Variants in ASTN1 observed in about 807,000 individuals in gnomAD.
ASTN1 encodes astrotactin-1.
Under a neutral mutation model 140.7 loss-of-function variants are expected in ASTN1, and 41 were observed. That is an observed-to-expected ratio of 0.29 (90% CI 0.23 to 0.38). ASTN1 has a LOEUF of 0.38. Among genes scored for constraint, ASTN1 ranks in the 10% least tolerant of loss-of-function variants. The pLI is 1.00. For synonymous variants in ASTN1, 640 were observed against 652.2 expected, an observed-to-expected ratio of 0.98 and a Z score of 0.29; for missense variants, 1,479 against 1,678.8, an observed-to-expected ratio of 0.88 and a Z score of 2.08.
chr1:177,023,963 T>C (rs1675964257), intron 6 of ASTN1, among the ~76,000 whole-genome samples: 1 of 152,230 alleles, frequency 6.6e-6, no homozygotes, highest in South Asian at 2.1e-4. Context: ...CTATGAGAAT[T>C]GCAGGCCCTC....
chr1:176,878,411 C>T (rs1049645328), intron 20 of ASTN1, among the ~76,000 whole-genome samples: 1 of 151,914 alleles, frequency 6.6e-6, no homozygotes, highest in Non-Finnish European at 1.5e-5. Flanking sequence ...ACCCTTGTCT[C>T]CTTGCCATTC....
At chr1:176,956,560 A>C (rs1328451315) in intron 11 of ASTN1, among the ~76,000 whole-genome samples, 1 of 152,170 alleles carries the variant, frequency 6.6e-6, no homozygotes, top group Non-Finnish European at 1.5e-5. Flanking sequence ...TCCTCCCCAG[A>C]GCTGGAAGCT....
At chr1:177,001,325 C>A (rs115253202) in intron 8 of ASTN1, among the ~76,000 whole-genome samples, 7 of 152,302 alleles carry the variant, frequency 4.6e-5, no homozygotes, top group African/African-American at 1.7e-4. Flanking sequence ...AGGTTGACAT[C>A]ATTTGGTGAA....
chr1:176,880,476 C>A (rs34468419), intron 20 of ASTN1, among the ~76,000 whole-genome samples: 8,165 of 152,188 alleles, frequency 0.054, 282 homozygotes, highest in African/African-American at 0.096. Flanking sequence ...GGTTGAAAGG[C>A]CTGTGAGTCA....
chr1:177,000,013 A>G (rs1486952229), intron 8 of ASTN1, among the ~76,000 whole-genome samples: 1 of 152,230 alleles, frequency 6.6e-6, no homozygotes, highest in Non-Finnish European at 1.5e-5. Flanking sequence ...TGTTAATTAA[A>G]TTGGCAAATT....
chr1:177,097,473 A>G (rs1471511057), intron 1 of ASTN1, among the ~76,000 whole-genome samples: 3 of 152,196 alleles, frequency 2.0e-5, no homozygotes, highest in Non-Finnish European at 2.9e-5. Flanking sequence ...TTAAGTATCA[A>G]TTTCCTCATC....
rs113357642 is a variant in ASTN1, at chr1:177,117,614, C to A, written c.283+46780G>T. ...ATCATCAGTGATTGCTCACTTCCCACCCACCCCCTAATAAAGTTCAAATTG... is the reference window on the plus strand; with the variant it reads ...ATCATCAGTGATTGCTCACTTCCCAACCACCCCCTAATAAAGTTCAAATTG... On this transcript the variant is annotated intron_variant, in intron 1 of 22. Coordinates refer to ENST00000361833, the MANE Select transcript of ASTN1 (RefSeq NM_004319.3). Among the ~76,000 whole-genome samples the A allele has an allele frequency of 2.7e-3, 406 of 152,284 alleles. 2 individuals are homozygous for A. Among genetic ancestry groups the A allele is most frequent in the African/African-American group, 9.2e-3 (384 of 41,562 alleles).
chr1:177,023,715 C>T, intron 6 of ASTN1, 144 bp from the exon 7 acceptor site: 1 of 963,734 alleles, frequency 1.0e-6, no homozygotes, highest in Non-Finnish European at 1.4e-6. Flanking sequence ...TCATTAGCCC[C>T]AGAGCAAGGG....
Position 176,957,848 on chromosome 1 carries a change from G to C in ASTN1, c.1737-20C>G. The C allele has an allele frequency of 6.2e-7, 1 of 1,611,490 alleles. No individual in the cohort carries two copies. Among genetic ancestry groups the C allele is most frequent in the Non-Finnish European group, 8.5e-7 (1 of 1,178,700 alleles). On this transcript the variant is annotated intron_variant, in intron 10 of 22. Transcript: ENST00000361833. ...TCCTCTCTGTGGGGAGAAAGAGTGG[G>C]AAGCAGGGAGGAGTCAAGGAGATTC...
intron 14 of ASTN1, among the ~76,000 whole-genome samples, chr1:176,942,835 T>TAC (rs1557977984): frequency 0.011 from 232 of 21,334 alleles, 10 homozygotes; most frequent in African/African-American, 0.042. Context: ...TATATATATA[T>TAC]GTATATATAT....
chr1:177,124,707 T>C (rs773102583), intron 1 of ASTN1, among the ~76,000 whole-genome samples: 1 of 152,220 alleles, frequency 6.6e-6, no homozygotes, highest in African/African-American at 2.4e-5. Context: ...CTCTTTATTA[T>C]CAATTAGTAG....
chr1:177,135,121 G>C (rs1267637041), intron 1 of ASTN1, among the ~76,000 whole-genome samples: 1 of 152,078 alleles, frequency 6.6e-6, no homozygotes, highest in Non-Finnish European at 1.5e-5. Flanking sequence ...ATGGGACGTT[G>C]CTTTTGCTTT....
intron 7 of ASTN1, among the ~76,000 whole-genome samples, chr1:177,020,792 G>A (rs1675784447): frequency 6.6e-6 from 1 of 152,204 alleles, no homozygotes; most frequent in Non-Finnish European, 1.5e-5. Flanking sequence ...TAGGAAGGAT[G>A]CCTGAGGAGA....
intron 1 of ASTN1, among the ~76,000 whole-genome samples, chr1:177,101,984 TGGA>T (rs2102132045): frequency 6.6e-6 from 1 of 152,312 alleles, no homozygotes; most frequent in South Asian, 2.1e-4. Flanking sequence ...ACACTAAAAA[TGGA>T]TCTATTAGGA....
At chr1:176,996,252 G>A (rs1674433238) in intron 8 of ASTN1, among the ~76,000 whole-genome samples, 1 of 150,386 alleles carries the variant, frequency 6.6e-6, no homozygotes, top group Non-Finnish European at 1.5e-5. Flanking sequence ...AAGAGACAGA[G>A]TCATATATCC....
chr1:177,013,863 AG>A (rs1193349151), intron 8 of ASTN1, among the ~76,000 whole-genome samples: 1 of 152,152 alleles, frequency 6.6e-6, no homozygotes, highest in African/African-American at 2.4e-5. Context: ...CAACATCTAA[AG>A]GAAACTAAAA....
rs1557918937 is a variant in ASTN1 at position 176,864,245 on chromosome 1, C to G, written c.*39G>C. 1 of 1,603,860 alleles carries G rather than the reference C, an allele frequency of 6.2e-7. No homozygotes were observed. Among genetic ancestry groups the G allele is most frequent in the Non-Finnish European group, 8.5e-7 (1 of 1,174,370 alleles). The stretch of plus-strand genomic sequence containing the variant: ...CAACCCAGATGGATCCCTCCTCTTT[C>G]CTACTTCATTCTGGCAGCAGCTCCC... On this transcript the variant is annotated 3_prime_UTR_variant, in exon 23 of 23. Coordinates refer to ENST00000361833, the MANE Select transcript of ASTN1 (RefSeq NM_004319.3).
chr1:177,082,825 T>G (rs1400483644), intron 1 of ASTN1, among the ~76,000 whole-genome samples: 2 of 152,216 alleles, frequency 1.3e-5, no homozygotes, highest in African/African-American at 2.4e-5. Flanking sequence ...CATTACTTGC[T>G]AGTAGATTTA....
rs537726592 is a variant in ASTN1 at position 176,901,358 on chromosome 1, A to G, written c.2672-6528T>C. Among the ~76,000 whole-genome samples the G allele has an allele frequency of 2.0e-5, 3 of 152,326 alleles. No homozygotes were observed. The South Asian group carries it at 6.2e-4, about 32-fold the overall frequency. On this transcript the variant is annotated intron_variant, in intron 16 of 22. Transcript: ENST00000361833. ...CCAGGTCTTGTGCTGAAGGGCAGAC[A>G]GTGTGGTTCAATATGGTGAGAAAAT... is the stretch of plus-strand genomic sequence containing the variant.
Sources: gnomAD v4.1 joint callset for allele counts (sites outside exome capture counted in the v4.1 genomes callset) on GRCh38, gnomAD v4.1.1 for gene constraint, MANE v1.5 for transcripts, NCBI Gene and HGNC (gene_info 2026-07-23, HGNC 2026-07-21) for gene names.